Variants in DNAAF6 observed in about 807,000 individuals in gnomAD.
DNAAF6 encodes PIH1 domain containing 3.
DNAAF6 carries 3 observed loss-of-function variants against 13.7 expected under a neutral mutation model. The observed-to-expected ratio is 0.22, with a 90% CI of 0.10 to 0.56. The LOEUF is 0.56. Among genes scored for constraint, DNAAF6 ranks in the 20% least tolerant of loss-of-function variants. The pLI is 0.92. For missense variants in DNAAF6, 130 were observed against 151.0 expected, an observed-to-expected ratio of 0.86 and a Z score of 0.73; for synonymous variants, 54 against 49.2, an observed-to-expected ratio of 1.10 and a Z score of -0.41.
chrX:107,214,076 G>A (rs1253711816), intron 2 of DNAAF6, among the ~76,000 whole-genome samples: 1 of 111,505 alleles, frequency 9.0e-6, no homozygotes, highest in Non-Finnish European at 1.9e-5. Flanking sequence ...ATGTGAAATG[G>A]GAATAACATT....
intron 5 of DNAAF6, among the ~76,000 whole-genome samples, chrX:107,230,556 T>C (rs1340041141): frequency 9.0e-6 from 1 of 111,710 alleles, no homozygotes; most frequent in East Asian, 2.8e-4. Flanking sequence ...GGTGGTGCAC[T>C]TCTGTAGTCC....
At chrX:107,237,633 C>T (rs1195836948) in intron 5 of DNAAF6, among the ~76,000 whole-genome samples, 2 of 112,186 alleles carry the variant, frequency 1.8e-5, no homozygotes, top group Non-Finnish European at 3.8e-5. Flanking sequence ...AGTTACTTCC[C>T]TCTTCTCCAT....
chrX:107,226,015 T>G (rs1928248425), intron 5 of DNAAF6, among the ~76,000 whole-genome samples: 1 of 111,903 alleles, frequency 8.9e-6, no homozygotes, highest in African/African-American at 3.2e-5. Flanking sequence ...AAGCCCAGTG[T>G]AATAAACATA....
At chrX:107,224,317 C>T (rs1045996697) in intron 5 of DNAAF6, among the ~76,000 whole-genome samples, 5 of 111,792 alleles carry the variant, frequency 4.5e-5, no homozygotes, top group Non-Finnish European at 9.4e-5. Flanking sequence ...CAGCAAATAA[C>T]ACATTTGTTG....
intron 5 of DNAAF6, among the ~76,000 whole-genome samples, chrX:107,237,216 A>C (rs1928532964): frequency 8.9e-6 from 1 of 112,380 alleles, no homozygotes; most frequent in Non-Finnish European, 1.9e-5. Context: ...TCTTACAAGA[A>C]ATCTCAATTT....
chrX:107,243,073 C>A, intron 6 of DNAAF6, 96 bp from the exon 7 acceptor site: 1 of 948,166 alleles, frequency 1.1e-6, no homozygotes, highest in Non-Finnish European at 1.4e-6. Context: ...GGGTTGTTTT[C>A]TAACACTCTA....
intron 1 of DNAAF6, among the ~76,000 whole-genome samples, chrX:107,212,537 G>A (rs910982301): frequency 9.0e-6 from 1 of 111,517 alleles, no homozygotes; most frequent in Non-Finnish European, 1.9e-5. Flanking sequence ...TTTTCTAGAG[G>A]TAGGGCTTAA....
At chrX:107,215,194 AT>A (rs1360400439) in intron 2 of DNAAF6, among the ~76,000 whole-genome samples, 5 of 111,740 alleles carry the variant, frequency 4.5e-5, no homozygotes, top group Non-Finnish European at 9.4e-5. Flanking sequence ...TTTATTTTTA[AT>A]CATTTATTTT....
At chrX:107,207,019 A>C (rs753305249) in intron 1 of DNAAF6, 2 of 111,890 alleles carry the variant, frequency 1.8e-5, no homozygotes, top group East Asian at 5.7e-4. Flanking sequence ...CAACTCTCAC[A>C]TGCACTTATT....
intron 6 of DNAAF6, among the ~76,000 whole-genome samples, chrX:107,240,443 T>C (rs998828272): frequency 2.7e-5 from 3 of 111,944 alleles, no homozygotes; most frequent in Non-Finnish European, 5.7e-5. Flanking sequence ...TTCGAGTTTA[T>C]TGATATTCAC....
intron 5 of DNAAF6, 112 bp downstream of exon 5, chrX:107,222,953 T>C: frequency 1.0e-6 from 1 of 991,983 alleles, no homozygotes. Flanking sequence ...AAAATCGTGG[T>C]TGCTATGTTT....
chrX:107,223,930 T>C (rs190726668), intron 5 of DNAAF6, among the ~76,000 whole-genome samples: 303 of 111,503 alleles, frequency 2.7e-3, no homozygotes, highest in African/African-American at 9.3e-3. Flanking sequence ...TGTAAAATTG[T>C]GTTTTTGATG....
intron 1 of DNAAF6, among the ~76,000 whole-genome samples, chrX:107,209,423 A>G (rs145648226): frequency 0.036 from 4,023 of 111,696 alleles, 189 homozygotes; most frequent in African/African-American, 0.12. Flanking sequence ...CCAAAAGGAT[A>G]TTGCTTGGTG....
intron 1 of DNAAF6, among the ~76,000 whole-genome samples, chrX:107,210,748 G>A (rs1330353688): frequency 2.7e-5 from 3 of 111,182 alleles, no homozygotes; most frequent in African/African-American, 9.8e-5. Flanking sequence ...TTTAAAAATC[G>A]CTACACTGTA....
At chrX:107,240,927 T>C (rs1240448602) in intron 6 of DNAAF6, among the ~76,000 whole-genome samples, 2 of 111,829 alleles carry the variant, frequency 1.8e-5, no homozygotes, top group African/African-American at 6.5e-5. Flanking sequence ...ACTCACACAT[T>C]TGCTGTGCTC....
intron 1 of DNAAF6, among the ~76,000 whole-genome samples, chrX:107,209,483 G>C (rs940805847): frequency 1.8e-5 from 2 of 111,601 alleles, no homozygotes; most frequent in African/African-American, 6.5e-5. Flanking sequence ...ACCCAGGCTG[G>C]AGTGCAGTGG....
intron 5 of DNAAF6, among the ~76,000 whole-genome samples, chrX:107,225,483 A>T (rs781346210): frequency 9.0e-6 from 1 of 111,350 alleles, no homozygotes; most frequent in Non-Finnish European, 1.9e-5. Flanking sequence ...TATCATAAAC[A>T]TTAAAATGTG....
At chrX:107,211,706 AC>A (rs1927860538) in intron 1 of DNAAF6, among the ~76,000 whole-genome samples, 1 of 112,101 alleles carries the variant, frequency 8.9e-6, no homozygotes, top group Admixed American at 9.5e-5. Flanking sequence ...TTTTAGAATC[AC>A]CTTGAGGCAT....
intron 5 of DNAAF6, among the ~76,000 whole-genome samples, chrX:107,227,543 C>A (rs1450183785): frequency 1.8e-5 from 2 of 108,576 alleles, no homozygotes; most frequent in Non-Finnish European, 3.8e-5. Flanking sequence ...TGGTTGTATA[C>A]CAGACCATGT....
Sources: allele counts gnomAD v4.1 joint callset (sites outside exome capture counted in the v4.1 genomes callset), GRCh38; gene constraint gnomAD v4.1.1; transcripts MANE v1.5; gene names NCBI Gene and HGNC (gene_info 2026-07-23, HGNC 2026-07-21).